The following ANXA11 variants were observed in gnomAD, a reference collection of about 807,000 sequenced individuals.
The protein encoded by ANXA11 is 56 kDa autoantigen.
Under a neutral mutation model 64.7 loss-of-function variants are expected in ANXA11, and 57 were observed. That is an observed-to-expected ratio of 0.88 (90% CI 0.71 to 1.10). The LOEUF (loss-of-function observed/expected upper bound fraction) is 1.10, where lower values mean the gene tolerates loss of function less well. ANXA11 is among the 50% of genes least tolerant of loss of function. ANXA11 has a pLI of 0.00. For missense variants in ANXA11, 675 were observed against 670.7 expected, an observed-to-expected ratio of 1.01 and a Z score of -0.07; for synonymous variants, 260 against 265.2, an observed-to-expected ratio of 0.98 and a Z score of 0.19.
chr10:80,191,323 G>A (rs951605040), intron 1 of ANXA11, among the ~76,000 whole-genome samples: 1 of 152,226 alleles, frequency 6.6e-6, no homozygotes, highest in African/African-American at 2.4e-5. Context: ...AGGAGCTACA[G>A]GTTGCAGTGA....
chr10:80,182,980 C>T (rs1228104583), intron 1 of ANXA11, among the ~76,000 whole-genome samples: 1 of 152,164 alleles, frequency 6.6e-6, no homozygotes, highest in Non-Finnish European at 1.5e-5. Flanking sequence ...CATCTGGTCG[C>T]AGGGTGAAGT....
At position 80,169,234 on chromosome 10, in the gene ANXA11, G is replaced by A. The variant is rs1216065557; in HGVS notation, c.296C>T (p.Pro99Leu). The change falls in exon 5 of 16, where the codon CCT becomes CTT. Residue 99 changes from proline (P) to leucine (L), a missense_variant. Physicochemically the swap from Pro to Leu is moderately conservative, Grantham distance 98. Coordinates refer to ENST00000422982, the MANE Select transcript of ANXA11 (RefSeq NM_145868.2). ...GFGQPPSAQQPVPPYGMYPPP... is the reference protein window; with the variant it reads ...GFGQPPSAQQLVPPYGMYPPP... ...TGGATACATCCCATAGGGAGGAACA[G>A]GCTGCTGGGCAGAGGGGGGCTGCCC... 6.2e-7 allele frequency: 1 copy of A among 1,611,978 alleles called. No individual in the cohort carries two copies. The highest frequency in any genetic ancestry group is 2.2e-5 in the East Asian group (1 of 44,882).
chr10:80,156,964 T>G (rs371817993), intron 15 of ANXA11: 1 of 985,084 alleles, frequency 1.0e-6, no homozygotes. Flanking sequence ...AGTTCAGAAT[T>G]TGAGCGTTAG....
At chr10:80,194,527 G>C (rs533806209) in intron 1 of ANXA11, among the ~76,000 whole-genome samples, 16 of 152,290 alleles carry the variant, frequency 1.1e-4, no homozygotes, top group South Asian at 6.2e-4. Flanking sequence ...GAAGAGTCGG[G>C]GGGGGAAGAC....
chr10:80,151,700 C>T lies in ANXA11; in HGVS notation c.*4153G>A, dbSNP rs1451559548. The T allele has an allele frequency of 6.6e-6, 1 of 152,242 alleles. No individual in the cohort carries two copies. The highest frequency in any genetic ancestry group is 6.5e-5 in the Admixed American group (1 of 15,282). The allele number at this position is 152,242 out of a possible 1,614,324, so 9.4% of individuals were successfully genotyped here. A position where few individuals can be genotyped will look rare whatever the true frequency, so the allele number is the denominator to read the frequency against. On this transcript the variant is annotated 3_prime_UTR_variant, in exon 16 of 16. Coordinates refer to ENST00000422982, the MANE Select transcript of ANXA11 (RefSeq NM_145868.2). The stretch of plus-strand genomic sequence containing the variant: ...TCCCAAAGCTAGGAGTGCCTCATCT[C>T]ATCTCTCATCACCTGACTGAATTCC...
chr10:80,193,351 G>T (rs1020693209), intron 1 of ANXA11, among the ~76,000 whole-genome samples: 18 of 152,230 alleles, frequency 1.2e-4, no homozygotes, highest in African/African-American at 4.1e-4. Flanking sequence ...AGTTAAAAAT[G>T]ATTAACTCTG....
At chr10:80,157,859 ACT>A in intron 14 of ANXA11, 96 bp from the exon 15 acceptor site, 1 of 1,587,116 alleles carries the variant, frequency 6.3e-7, no homozygotes, top group Non-Finnish European at 8.6e-7. Flanking sequence ...GGTCCTCGGA[ACT>A]CTCAGCTGAG....
At chr10:80,161,478 C>CCCATGGAA (rs1366240888) in intron 12 of ANXA11, among the ~76,000 whole-genome samples, 2 of 152,236 alleles carry the variant, frequency 1.3e-5, no homozygotes, top group East Asian at 3.9e-4. Flanking sequence ...GAAAGTGCAG[C>CCCATGGAA]CCATGGAACA....
Position 80,151,655 on chromosome 10 carries a change from T to C in ANXA11, c.*4198A>G, listed in dbSNP as rs1197390226. 1.3e-5 allele frequency: 2 copies of C among 152,134 alleles called. No homozygotes were observed. Among genetic ancestry groups the C allele is most frequent in the Non-Finnish European group, 2.9e-5 (2 of 68,034 alleles). The allele number at this position is 152,134 out of a possible 1,614,324, so 9.4% of individuals were successfully genotyped here. On this transcript the variant is annotated 3_prime_UTR_variant, in exon 16 of 16. Transcript: ENST00000422982. ...CTTTGACCGTGGGCACCTGCAAAGG[T>C]TCATCTTTCAGCTCCCTCTTCCCAA...
chr10:80,163,752 AT>A, intron 9 of ANXA11, 139 bp from the exon 10 acceptor site: 1 of 792,148 alleles, frequency 1.3e-6, no homozygotes, highest in Non-Finnish European at 2.1e-6. Context: ...AATAGCCCAT[AT>A]GGCCCTCCAG....
At chr10:80,170,759 G>A (rs1440371118) in intron 4 of ANXA11, 41 bp downstream of exon 4, 1 of 1,425,108 alleles carries the variant, frequency 7.0e-7, no homozygotes, top group Non-Finnish European at 9.3e-7. Context: ...GGCCACGCAG[G>A]TGTGGCCCCA....
intron 15 of ANXA11, chr10:80,156,969 C>T (rs1195268755): frequency 1.3e-5 from 13 of 985,062 alleles, no homozygotes; most frequent in Non-Finnish European, 1.4e-5. Context: ...AGAATTTGAG[C>T]GTTAGACCAC....
chr10:80,173,200 G>A (rs11201973), intron 2 of ANXA11, among the ~76,000 whole-genome samples: 2,336 of 152,332 alleles, frequency 0.015, 60 homozygotes, highest in African/African-American at 0.053. Flanking sequence ...AGGGTGCAGT[G>A]CGCCTCTGGG....
chr10:80,174,238 C>T (rs956412551), intron 2 of ANXA11, among the ~76,000 whole-genome samples: 5 of 151,662 alleles, frequency 3.3e-5, no homozygotes, highest in African/African-American at 7.3e-5. Context: ...ACTATGTTGC[C>T]GAGGCTGGTA....
intron 1 of ANXA11, among the ~76,000 whole-genome samples, chr10:80,204,616 C>A (rs866015337): frequency 9.2e-5 from 14 of 152,202 alleles, no homozygotes; most frequent in Middle Eastern, 3.2e-3. Context: ...TTTTCCCCTC[C>A]AAAGTCTCTA....
intron 8 of ANXA11, among the ~76,000 whole-genome samples, chr10:80,164,654 C>T (rs1329602881): frequency 6.6e-6 from 1 of 152,168 alleles, no homozygotes; most frequent in Non-Finnish European, 1.5e-5. Flanking sequence ...GACAGTAAGA[C>T]CATAGAGGAC....
At chr10:80,157,547 C>A in intron 15 of ANXA11, 94 bp downstream of exon 15, 1 of 1,544,676 alleles carries the variant, frequency 6.5e-7, no homozygotes. Flanking sequence ...ACACACAGCA[C>A]AGAGGCCAAG....
chr10:80,168,615 CCT>C lies in ANXA11; in HGVS notation c.561+352_561+353del, dbSNP rs1339042068. ...GCGGCATGATCCCGGCTCACTGCAA[CCT>C]CTGTCTCCTGGGCTGAGGTGATCCT... On this transcript the variant is annotated intron_variant, in intron 5 of 15. Coordinates refer to ENST00000422982, the MANE Select transcript of ANXA11 (RefSeq NM_145868.2). Among the ~76,000 whole-genome samples the C allele has an allele frequency of 3.9e-5, 6 of 152,252 alleles. 1 individual carries two copies. Among genetic ancestry groups the C allele is most frequent in the Admixed American group, 3.3e-4 (5 of 15,308 alleles).
intron 9 of ANXA11, 55 bp downstream of exon 9, chr10:80,163,998 A>G: frequency 1.3e-6 from 2 of 1,482,134 alleles, no homozygotes; most frequent in Non-Finnish European, 1.9e-6. Context: ...CACAGCCCCA[A>G]GAGCACAGGG....
Sources: allele counts gnomAD v4.1 joint callset (sites outside exome capture counted in the v4.1 genomes callset), GRCh38; gene constraint gnomAD v4.1.1; transcripts MANE v1.5; gene names NCBI Gene and HGNC (gene_info 2026-07-23, HGNC 2026-07-21).